ATP2B2: variants seen among roughly 807,000 people sequenced by gnomAD.
ATP2B2 encodes the protein plasma membrane calcium-transporting ATPase 2.
ATP2B2 carries 15 observed loss-of-function variants against 120.0 expected under a neutral mutation model. That is an observed-to-expected ratio of 0.12 (90% CI 0.08 to 0.19). The LOEUF (loss-of-function observed/expected upper bound fraction) is 0.19. ATP2B2 is among the 10% of genes least tolerant of loss of function. The probability of loss-of-function intolerance (pLI) is 1.00; values close to 1 mark genes in which losing one functional copy is unlikely to be tolerated. For synonymous variants in ATP2B2, 694 were observed against 700.3 expected (o/e 0.99, Z 0.14); for missense variants, 1,045 against 1,719.8 (o/e 0.61, Z 6.94).
Position 10,342,616 on chromosome 3 carries a change from T to C in ATP2B2, c.2917+136A>G. 1 of 1,069,900 alleles carries C rather than the reference T, an allele frequency of 9.3e-7. No individual in the cohort carries two copies. The highest frequency in any genetic ancestry group is 2.6e-5 in the East Asian group (1 of 38,696). 66.3% of individuals were successfully genotyped at this position (1,069,900 alleles called of 1,614,324 possible). A position where few individuals can be genotyped will look rare whatever the true frequency, so the allele number is the denominator to read the frequency against. ...CTGGTGTGACCTTGGGCAACTTACT[T>C]GACCTCCCTGGGCCTCAATTTCCCC... On this transcript the variant is annotated intron_variant, in intron 19 of 22. Transcript: ENST00000360273. This position sits in a 1 kb window ranked among gnomAD's most constrained non-coding sequence, Gnocchi z 4.4.
chr3:10,496,691 C>G (rs1456654660), intron 1 of ATP2B2, among the ~76,000 whole-genome samples: 1 of 152,160 alleles, frequency 6.6e-6, no homozygotes, highest in African/African-American at 2.4e-5. Flanking sequence ...CCGCCCCTTC[C>G]CCCGTGACCT....
rs2060304353 is a variant in ATP2B2 at position 10,342,405 on chromosome 3, A to T, written c.2917+347T>A. On this transcript the variant is annotated intron_variant, in intron 19 of 22. Coordinates refer to ENST00000360273, the MANE Select transcript of ATP2B2 (RefSeq NM_001001331.4). This position sits in a 1 kb window ranked among gnomAD's most constrained non-coding sequence, Gnocchi z 4.4. ...AGGATAAGGTGCTGGAATGGGTCAGAGAAGGGGTGAGTCACTCCCCTCCCA... is the reference window on the plus strand; with the variant it reads ...AGGATAAGGTGCTGGAATGGGTCAGTGAAGGGGTGAGTCACTCCCCTCCCA... 6.6e-6 allele frequency among the ~76,000 whole-genome samples: 1 copy of T among 152,092 alleles called. No homozygotes were observed. The highest frequency in any genetic ancestry group is 6.5e-5 in the Admixed American group (1 of 15,270).
intron 2 of ATP2B2, among the ~76,000 whole-genome samples, chr3:10,413,654 T>C (rs923168853): frequency 2.0e-5 from 3 of 152,216 alleles, no homozygotes; most frequent in African/African-American, 7.2e-5. Context: ...CGGCACACTG[T>C]AGCACGATTC....
chr3:10,404,021 G>T (rs2062323621), intron 3 of ATP2B2, among the ~76,000 whole-genome samples: 1 of 152,236 alleles, frequency 6.6e-6, no homozygotes, highest in Admixed American at 6.5e-5. Context: ...GGGGTCAGAA[G>T]CAACATGACA....
rs2060307443 is a variant in ATP2B2, at chr3:10,342,492, T to C, written c.2917+260A>G. ...AGCACCCGGTCAGGGCCTTGCACGG[T>C]CTGTACTTGTTGCCAGGAGCTGTCA... On this transcript the variant is annotated intron_variant, in intron 19 of 22. Transcript: ENST00000360273. The surrounding 1 kb of genome is among the most constrained non-coding windows in gnomAD (Gnocchi z 4.4). Among the ~76,000 whole-genome samples the C allele has an allele frequency of 6.6e-6, 1 of 152,086 alleles. No individual in the cohort carries two copies. The highest frequency in any genetic ancestry group is 1.5e-5 in the Non-Finnish European group (1 of 68,000).
At chr3:10,569,460 G>A (rs1427874765) in intron 2 of ATP2B2, among the ~76,000 whole-genome samples, 1 of 152,132 alleles carries the variant, frequency 6.6e-6, no homozygotes, top group Non-Finnish European at 1.5e-5. Flanking sequence ...CCTCTCCCAA[G>A]GAGTGATACA....
intron 22 of ATP2B2, among the ~76,000 whole-genome samples, chr3:10,333,023 C>G (rs2060022542): frequency 1.3e-5 from 2 of 152,186 alleles, no homozygotes; most frequent in South Asian, 4.1e-4. Flanking sequence ...TGCCTTGTGA[C>G]TGCGGTCAGG....
At chr3:10,590,922 G>T (rs1195970618) in intron 2 of ATP2B2, among the ~76,000 whole-genome samples, 1 of 152,078 alleles carries the variant, frequency 6.6e-6, no homozygotes, top group East Asian at 1.9e-4. Context: ...TTACAAGCTG[G>T]GGAGTGGTGA....
intron 1 of ATP2B2, among the ~76,000 whole-genome samples, chr3:10,497,695 C>T (rs2066210005): frequency 1.3e-5 from 2 of 152,148 alleles, no homozygotes; most frequent in Admixed American, 1.3e-4. Context: ...AATTAGAATC[C>T]CAGAGTCTAT....
intron 2 of ATP2B2, among the ~76,000 whole-genome samples, chr3:10,585,583 T>C (rs1455373169): frequency 6.7e-6 from 1 of 150,052 alleles, no homozygotes; most frequent in Admixed American, 6.7e-5. Context: ...CAGCTTCTCC[T>C]GTGCCTCACC....
In ATP2B2 at chr3:10,328,541, G is replaced by T; in HGVS notation, c.*273C>A. On this transcript the variant is annotated 3_prime_UTR_variant, in exon 23 of 23. Transcript: ENST00000360273. ...GCATGGCTGGTCCATGTCTGGGTGG[G>T]AGCCAGGAAGGGCTTGTTTTGGGAA... 93 of 432,238 alleles carry T rather than the reference G, an allele frequency of 2.2e-4. No individual in the cohort carries two copies. Among genetic ancestry groups the T allele is most frequent in the Middle Eastern group, 6.4e-4 (1 of 1,574 alleles). 26.8% of individuals were successfully genotyped at this position (432,238 alleles called of 1,614,324 possible).
chr3:10,665,788 C>T (rs1022662676), intron 1 of ATP2B2, among the ~76,000 whole-genome samples: 3 of 152,068 alleles, frequency 2.0e-5, no homozygotes, highest in African/African-American at 4.8e-5. Context: ...GAGTCTTGCC[C>T]GCCTCCAGCA....
In ATP2B2 at chr3:10,359,989, T is replaced by A; in HGVS notation, c.1794A>T (p.Lys598Asn). 6.2e-7 allele frequency: 1 copy of A among 1,614,214 alleles called. No homozygotes were observed. Among genetic ancestry groups the A allele is most frequent in the Non-Finnish European group, 8.5e-7 (1 of 1,180,016 alleles). The change falls in exon 13 of 23, where the codon AAA becomes AAT. Residue 598 changes from lysine to asparagine, a missense_variant. Coordinates refer to ENST00000360273, the MANE Select transcript of ATP2B2 (RefSeq NM_001001331.4). ...RSQMPEEKLYKVYTFNSVRKS... is the reference protein window; with the variant it reads ...RSQMPEEKLYNVYTFNSVRKS... Reference sequence around the variant, plus strand: ...TGCGCACGGAGTTGAAGGTGTACACTTTGTACAACTTCTCCTCTGGCATCT... The same window carrying A: ...TGCGCACGGAGTTGAAGGTGTACACATTGTACAACTTCTCCTCTGGCATCT...
intron 2 of ATP2B2, among the ~76,000 whole-genome samples, chr3:10,536,570 A>G (rs1262675384): frequency 6.6e-6 from 1 of 151,606 alleles, no homozygotes; most frequent in Non-Finnish European, 1.5e-5. Flanking sequence ...TCTGTCACCC[A>G]GGCTGGAGTG....
upstream of ATP2B2, among the ~76,000 whole-genome samples, chr3:10,507,273 C>T (rs534653952): frequency 6.6e-6 from 1 of 152,288 alleles, no homozygotes; most frequent in South Asian, 2.1e-4. Flanking sequence ...AGACTGGGGG[C>T]TTCCAAAGCA....
intron 17 of ATP2B2, 108 bp downstream of exon 17, chr3:10,345,923 G>C: frequency 8.7e-7 from 1 of 1,143,470 alleles, no homozygotes; most frequent in Non-Finnish European, 1.3e-6. Flanking sequence ...CACGGCAGAT[G>C]GCGGGTGGGC....
At chr3:10,571,266 G>C (rs932964399) in intron 2 of ATP2B2, among the ~76,000 whole-genome samples, 1 of 152,246 alleles carries the variant, frequency 6.6e-6, no homozygotes, top group African/African-American at 2.4e-5. Context: ...CAGAAGCTGG[G>C]GAAGGTCCTT....
At chr3:10,363,519 G>T (rs2060959476) in intron 12 of ATP2B2, among the ~76,000 whole-genome samples, 1 of 152,198 alleles carries the variant, frequency 6.6e-6, no homozygotes, top group Non-Finnish European at 1.5e-5. Flanking sequence ...GGCCTTTAGG[G>T]AATGCTGGGT....
chr3:10,613,410 G>A (rs182024833), intron 2 of ATP2B2, among the ~76,000 whole-genome samples: 15 of 152,214 alleles, frequency 9.9e-5, no homozygotes, highest in East Asian at 9.7e-4. Flanking sequence ...TCAGAACTGC[G>A]GGCAGCTTGG....
Sources: gnomAD v4.1 joint callset for allele counts (sites outside exome capture counted in the v4.1 genomes callset) on GRCh38, gnomAD v4.1.1 for gene constraint, Gnocchi (gnomAD v3.1) non-coding constraint, MANE v1.5 for transcripts, NCBI Gene and HGNC (gene_info 2026-07-23, HGNC 2026-07-21) for gene names.